Variants in GPAM observed in about 807,000 individuals in gnomAD.
GPAM encodes glycerol-3-phosphate acyltransferase, mitochondrial.
A neutral mutation model predicts 105.0 loss-of-function variants in GPAM; 56 were observed. The ratio of observed to expected loss-of-function variants is 0.53; its 90% CI spans 0.43 to 0.67. The LOEUF (loss-of-function observed/expected upper bound fraction) is 0.67, where lower values mean the gene tolerates loss of function less well. GPAM is among the 30% of genes least tolerant of loss of function. GPAM has a pLI of 0.00. For missense variants in GPAM, 855 were observed against 989.8 expected (o/e 0.86, Z 1.83); for synonymous variants, 368 against 354.4 (o/e 1.04, Z -0.43).
chr10:112,153,892 G>C, intron 21 of GPAM: 1 of 469,938 alleles, frequency 2.1e-6, no homozygotes, highest in South Asian at 2.2e-5. Context: ...TGTTTTGATG[G>C]AGTTCAACCA....
At chr10:112,214,571 C>G (rs1173801718) in intron 1 of GPAM, among the ~76,000 whole-genome samples, 1 of 152,136 alleles carries the variant, frequency 6.6e-6, no homozygotes, top group South Asian at 2.1e-4. Context: ...AGAAAACAAC[C>G]CTGAGTAGGG....
chr10:112,168,951 T>A lies in GPAM; in HGVS notation c.796A>T (p.Thr266Ser). 6.4e-7 allele frequency: 1 copy of A among 1,561,234 alleles called. No homozygotes were observed. The highest frequency in any genetic ancestry group is 8.8e-7 in the Non-Finnish European group (1 of 1,132,012). The change falls in exon 10 of 22, where the codon ACC becomes TCC. Residue 266 changes from threonine (T) to serine (S), a missense_variant and splice_region_variant. Physicochemically the swap from Thr to Ser is moderately conservative, Grantham distance 58. Transcript: ENST00000348367. ...AAGCCCCCAAGCTTATGGATCAAGG[T>A]ACTATAAATTCAGAATACATGAATT... Reference protein sequence around the residue: ...GNNLNIPIFSTLIHKLGGFFI... With the variant: ...GNNLNIPIFSSLIHKLGGFFI...
intron 1 of GPAM, among the ~76,000 whole-genome samples, chr10:112,193,645 C>T (rs1385946927): frequency 1.3e-5 from 2 of 152,174 alleles, no homozygotes; most frequent in Non-Finnish European, 2.9e-5. Context: ...TCAGCGTCTA[C>T]CTGATACTAA....
chr10:112,152,326 A>G lies in GPAM; in HGVS notation c.*1224T>C, dbSNP rs544914493. On this transcript the variant is annotated 3_prime_UTR_variant, in exon 22 of 22. Coordinates refer to ENST00000348367, the MANE Select transcript of GPAM (RefSeq NM_001244949.2). ...TCCCTGCTCACAAAAGGCACCTACC[A>G]ATTATGAACAGACCATTTTTCATAA... The G allele has an allele frequency of 2.0e-4, 193 of 984,822 alleles. No homozygotes were observed. The African/African-American group carries it at 3.2e-3, about 17-fold the overall frequency. 61.0% of individuals were successfully genotyped at this position (984,822 alleles called of 1,614,324 possible).
intron 17 of GPAM, among the ~76,000 whole-genome samples, chr10:112,159,216 CTT>C (rs35513817): frequency 3.4e-5 from 3 of 86,982 alleles, no homozygotes; most frequent in Non-Finnish European, 6.5e-5. Context: ...AGATGATTTT[CTT>C]TTTTTTTTTT....
At chr10:112,154,779 G>A in intron 20 of GPAM, 92 bp from the exon 21 acceptor site, 1 of 1,025,272 alleles carries the variant, frequency 9.8e-7, no homozygotes, top group Non-Finnish European at 1.5e-6. Flanking sequence ...GGGGAGCTAG[G>A]AAGAGAATGA....
chr10:112,159,470 G>A (rs758611133), intron 17 of GPAM, among the ~76,000 whole-genome samples: 12 of 151,914 alleles, frequency 7.9e-5, no homozygotes, highest in Non-Finnish European at 1.3e-4. Flanking sequence ...TGATCTGCCC[G>A]CCTCAGCCTC....
chr10:112,155,829 A>AC (rs397797725), intron 20 of GPAM, 35 bp downstream of exon 20: 1 of 1,384,270 alleles, frequency 7.2e-7, no homozygotes, highest in Non-Finnish European at 1.0e-6. Flanking sequence ...AAAAAAAAAA[A>AC]AGATTTTAAA....
At chr10:112,187,782 C>T (rs564858676), upstream of GPAM, among the ~76,000 whole-genome samples, 19 of 152,154 alleles carry the variant, frequency 1.2e-4, no homozygotes, top group African/African-American at 4.6e-4. Flanking sequence ...AGAACATCCA[C>T]CAAGATAGGT....
At chr10:112,181,581 C>T in intron 3 of GPAM, 102 bp downstream of exon 3, 2 of 756,024 alleles carry the variant, frequency 2.6e-6, no homozygotes, top group African/African-American at 1.7e-5. Context: ...AGCTATTAAT[C>T]TTGATGTGAT....
At chr10:112,190,861 A>G (rs909284523) in intron 1 of GPAM, among the ~76,000 whole-genome samples, 19 of 152,152 alleles carry the variant, frequency 1.2e-4, no homozygotes, top group Admixed American at 1.0e-3. Flanking sequence ...TGCTACACCA[A>G]GAAAAGTGGG....
In GPAM at chr10:112,163,808, T is replaced by A. The variant is rs569153268; in HGVS notation, c.1316A>T (p.Asp439Val). The A allele has an allele frequency of 5.2e-6, 8 of 1,539,556 alleles. No individual in the cohort carries two copies. In the South Asian group the frequency reaches 8.9e-5, roughly 17 times the overall value. ...LPAILPSRPS[D>V]AADEGRDTSI... ...CGTGTCTCTACCTTCATCAGCAGCATCACTGGGTCTAAAAAGTGTTTCAAA... is the reference window on the plus strand; with the variant it reads ...CGTGTCTCTACCTTCATCAGCAGCAACACTGGGTCTAAAAAGTGTTTCAAA... Residue 439 changes from aspartate (D) to valine (V), a missense_variant, in exon 14 of 22, where the codon GAT becomes GTT. Transcript: ENST00000348367.
intron 4 of GPAM, among the ~76,000 whole-genome samples, chr10:112,178,580 CA>C (rs1222719137): frequency 5.3e-5 from 8 of 151,680 alleles, no homozygotes; most frequent in Non-Finnish European, 1.0e-4. Flanking sequence ...AAAAAACAAA[CA>C]AACAAACAAA....
Position 112,168,653 on chromosome 10 carries a change from A to C in GPAM, c.895-129T>G. ...TCACTACTGACAAAGTATCTTATTCACACTAATAAAACAGCTCCTCCAATG... is the reference window on the plus strand; with the variant it reads ...TCACTACTGACAAAGTATCTTATTCCCACTAATAAAACAGCTCCTCCAATG... On this transcript the variant is annotated intron_variant, in intron 10 of 21. Transcript: ENST00000348367. The C allele has an allele frequency of 8.1e-6, 6 of 741,074 alleles. No individual in the cohort carries two copies. The South Asian group carries it at 9.1e-5, about 11-fold the overall frequency. 45.9% of individuals were successfully genotyped at this position (741,074 alleles called of 1,614,324 possible).
In GPAM at chr10:112,155,996, G is replaced by C; in HGVS notation, c.2179C>G (p.Pro727Ala). ...FITFLQRLLG[P>A]LLEAYSSAAI... ...GCAGAGCTGTAGGCCTCCAGCAAAG[G>C]CCCAAGGAGTCTCTGTAAGAAGGTG... The change falls in exon 20 of 22, where the codon CCT becomes GCT. Residue 727 changes from proline (P) to alanine (A), a missense_variant. Pro to Ala is a conservative substitution (Grantham distance 27, BLOSUM62 -1). Coordinates refer to ENST00000348367, the MANE Select transcript of GPAM (RefSeq NM_001244949.2). 1 of 1,612,568 alleles carries C rather than the reference G, an allele frequency of 6.2e-7. No individual in the cohort carries two copies. Among genetic ancestry groups the C allele is most frequent in the Non-Finnish European group, 8.5e-7 (1 of 1,178,682 alleles).
At chr10:112,218,324 T>C (rs1427195350), upstream of GPAM, among the ~76,000 whole-genome samples, 4 of 152,120 alleles carry the variant, frequency 2.6e-5, no homozygotes, top group African/African-American at 9.7e-5. Flanking sequence ...GGAAGATGGC[T>C]ACAAAGGAGA....
At chr10:112,219,987 T>C (rs552012443), upstream of GPAM, among the ~76,000 whole-genome samples, 3 of 152,310 alleles carry the variant, frequency 2.0e-5, no homozygotes, top group Admixed American at 6.5e-5. Context: ...GCCATTATTC[T>C]GGAGGTCACA....
intron 1 of GPAM, among the ~76,000 whole-genome samples, chr10:112,211,007 G>C (rs926115884): frequency 6.6e-6 from 1 of 152,220 alleles, no homozygotes. Flanking sequence ...TGGGTTAACT[G>C]CCCAGGCAGG....
upstream of GPAM, among the ~76,000 whole-genome samples, chr10:112,217,273 C>A (rs1338685348): frequency 2.6e-5 from 4 of 151,990 alleles, no homozygotes; most frequent in Admixed American, 2.6e-4. Flanking sequence ...GGATATGTGA[C>A]CTTTGCAGCT....
Sources: allele counts gnomAD v4.1 joint callset (sites outside exome capture counted in the v4.1 genomes callset), GRCh38; gene constraint gnomAD v4.1.1; transcripts MANE v1.5; gene names NCBI Gene and HGNC (gene_info 2026-07-23, HGNC 2026-07-21).